The following ENKUR variants were observed in gnomAD, a reference collection of about 807,000 sequenced individuals.
The protein encoded by ENKUR is enkurin, TRPC channel interacting protein.
Under a neutral mutation model 27.6 loss-of-function variants are expected in ENKUR, and 19 were observed. The ratio of observed to expected loss-of-function variants is 0.69; its 90% confidence interval spans 0.48 to 1.01. The LOEUF (loss-of-function observed/expected upper bound fraction) is 1.01, where lower values mean the gene tolerates loss of function less well. Among genes scored for constraint, ENKUR ranks in the 50% least tolerant of loss-of-function variants. The pLI is 0.00. For missense variants in ENKUR, 312 were observed against 310.5 expected (o/e 1.00, Z -0.04); for synonymous variants, 117 against 96.9 (o/e 1.21, Z -1.22).
At chr10:25,035,775 C>T (rs1183996461) in intron 2 of ENKUR, among the ~76,000 whole-genome samples, 1 of 152,160 alleles carries the variant, frequency 6.6e-6, no homozygotes, top group Non-Finnish European at 1.5e-5. Context: ...TGATTGGTAT[C>T]TGCCTCACAA....
At chr10:25,002,899 TA>T (rs1850220621) in intron 1 of ENKUR, among the ~76,000 whole-genome samples, 1 of 151,812 alleles carries the variant, frequency 6.6e-6, no homozygotes, top group African/African-American at 2.4e-5. Context: ...GTCTCGTGAT[TA>T]ATAAGATAAT....
chr10:25,043,654 A>G (rs1851089023), intron 2 of ENKUR, among the ~76,000 whole-genome samples: 1 of 152,058 alleles, frequency 6.6e-6, no homozygotes, highest in African/African-American at 2.4e-5. Flanking sequence ...GAGGTTTTTC[A>G]GACACTATTT....
chr10:25,037,154 G>C (rs183794351), intron 2 of ENKUR, among the ~76,000 whole-genome samples: 3 of 152,320 alleles, frequency 2.0e-5, no homozygotes. Flanking sequence ...GGATCCATGA[G>C]TGTACACTTT....
upstream of ENKUR, among the ~76,000 whole-genome samples, chr10:25,017,110 G>A (rs1054996947): frequency 5.3e-5 from 8 of 152,204 alleles, no homozygotes; most frequent in African/African-American, 1.4e-4. Flanking sequence ...TCTTCCTCTA[G>A]GTCGTTCTCC....
At chr10:25,020,740 CAAA>C (rs36007062), upstream of ENKUR, among the ~76,000 whole-genome samples, 21 of 133,980 alleles carry the variant, frequency 1.6e-4, no homozygotes, top group Admixed American at 2.2e-4. Flanking sequence ...GACCCTTTCT[CAAA>C]AAAAAAAAAA....
chr10:25,024,668 A>G (rs1850805580), intron 2 of ENKUR: 2 of 1,614,246 alleles, frequency 1.2e-6, no homozygotes, highest in Admixed American at 1.7e-5. Flanking sequence ...CAGGTAGTTT[A>G]TCATGCTTCC....
Position 24,990,231 on chromosome 10 carries a change from A to G in ENKUR, c.594+232T>C, listed in dbSNP as rs113850391. Among the ~76,000 whole-genome samples, 496 of 152,354 alleles carry G rather than the reference A, an allele frequency of 3.3e-3. 2 individuals carry two copies. The highest frequency in any genetic ancestry group is 9.0e-3 in the African/African-American group (376 of 41,584). On this transcript the variant is annotated intron_variant, in intron 4 of 5. Coordinates refer to ENST00000331161, the MANE Select transcript of ENKUR (RefSeq NM_145010.4). ...TTCCTTACAACACTAGTTCAGGAAA[A>G]AAACAGTTCACCAAATTGGAAATAA...
intron 2 of ENKUR, among the ~76,000 whole-genome samples, chr10:25,022,091 C>T (rs1850729776): frequency 6.6e-6 from 1 of 152,088 alleles, no homozygotes. Flanking sequence ...TGATAAGCCC[C>T]ACTATGTGTC....
rs558822094 is a variant in ENKUR at position 24,988,433 on chromosome 10, A to AT, written c.594+2029dup. Among the ~76,000 whole-genome samples, 1,309 of 145,506 alleles carry AT rather than the reference A, an allele frequency of 9.0e-3. 22 individuals are homozygous for AT. The highest frequency in any genetic ancestry group is 0.03 in the African/African-American group (1,208 of 40,038). On this transcript the variant is annotated intron_variant, in intron 4 of 5. Coordinates refer to ENST00000331161, the MANE Select transcript of ENKUR (RefSeq NM_145010.4). Reference sequence around the variant, plus strand: ...ATATATTTATATATAAGTAAAATTTATTTTTTATATTGTACATATGTTATA... The same window carrying AT: ...ATATATTTATATATAAGTAAAATTTATTTTTTTATATTGTACATATGTTATA...
At chr10:25,013,060 G>C (rs1850486757) in intron 1 of ENKUR, among the ~76,000 whole-genome samples, 1 of 152,168 alleles carries the variant, frequency 6.6e-6, no homozygotes, top group South Asian at 2.1e-4. Flanking sequence ...GTTTTATAAA[G>C]GGGAGTTCCC....
At chr10:24,994,874 T>A (rs965585593) in intron 3 of ENKUR, among the ~76,000 whole-genome samples, 1 of 151,738 alleles carries the variant, frequency 6.6e-6, no homozygotes, top group African/African-American at 2.4e-5. Context: ...TACAAAAAAA[T>A]AACCAGGCCT....
chr10:25,010,462 A>G (rs1850415957), intron 1 of ENKUR, among the ~76,000 whole-genome samples: 1 of 151,930 alleles, frequency 6.6e-6, no homozygotes, highest in South Asian at 2.1e-4. Flanking sequence ...TTATTATTAT[A>G]CTTTAAGTTT....
chr10:25,018,659 G>GTTTTTTTTTTTTTTTTTTTTTTTTTTT (rs374289213), upstream of ENKUR, among the ~76,000 whole-genome samples: 1 of 93,716 alleles, frequency 1.1e-5, no homozygotes, highest in Admixed American at 1.3e-4. Flanking sequence ...AATGAGAGTT[G>GTTTTTTTTTTTTTTTTTTTTTTTTTTT]TTTTTTTTTT....
At chr10:25,025,442 A>G (rs1411588040) in intron 2 of ENKUR, 1 of 1,601,884 alleles carries the variant, frequency 6.2e-7, no homozygotes, top group South Asian at 1.1e-5. Context: ...CTTGTCCAAA[A>G]TCAATTCATA....
intron 1 of ENKUR, 150 bp downstream of exon 1, chr10:25,015,710 C>G (rs1298341497): frequency 4.3e-6 from 3 of 695,752 alleles, no homozygotes; most frequent in Non-Finnish European, 6.3e-6. Flanking sequence ...ATATTTCGAC[C>G]TTTTCTCTAA....
chr10:25,001,893 C>A (rs371198128), intron 1 of ENKUR, among the ~76,000 whole-genome samples: 7 of 152,238 alleles, frequency 4.6e-5, no homozygotes, highest in African/African-American at 1.7e-4. Flanking sequence ...TTTCCTGCTT[C>A]TTTGCATGCC....
At chr10:25,038,302 C>G (rs1162982628) in intron 2 of ENKUR, among the ~76,000 whole-genome samples, 9 of 152,204 alleles carry the variant, frequency 5.9e-5, no homozygotes, top group Non-Finnish European at 7.3e-5. Context: ...TTTAAGTAGA[C>G]ATGGAACTGT....
chr10:24,994,824 C>G (rs971271763), intron 3 of ENKUR, among the ~76,000 whole-genome samples: 6 of 151,782 alleles, frequency 4.0e-5, no homozygotes, highest in African/African-American at 1.5e-4. Flanking sequence ...GAGTCAAGAC[C>G]AGCCTGGCCA....
chr10:25,054,568 C>T lies in ENKUR; in HGVS notation c.37+6544G>A, dbSNP rs772122612. 9.0e-4 allele frequency among the ~76,000 whole-genome samples: 97 copies of T among 107,908 alleles called. 2 individuals carry two copies. The highest frequency in any genetic ancestry group is 3.0e-4 in the South Asian group (1 of 3,384). The allele number at this position is 107,908 out of a possible 152,430, so 70.8% of individuals were successfully genotyped here. ...CTTTCCTTTCTTTCTTTCTTTCTTCCTTCTTTCTTTTCTTTCTTCCTTTCT... is the reference window on the plus strand; with the variant it reads ...CTTTCCTTTCTTTCTTTCTTTCTTCTTTCTTTCTTTTCTTTCTTCCTTTCT... On this transcript the variant is annotated intron_variant, in intron 2 of 5. Transcript: ENST00000615958.
Sources: allele counts gnomAD v4.1 joint callset (sites outside exome capture counted in the v4.1 genomes callset), GRCh38; gene constraint gnomAD v4.1.1; transcripts MANE v1.5; gene names NCBI Gene and HGNC (gene_info 2026-07-23, HGNC 2026-07-21).